The following SHANK2 variants were observed in gnomAD, a reference collection of about 807,000 sequenced individuals.
SHANK2 encodes the protein SH3 and multiple ankyrin repeat domains protein 2.
Under a neutral mutation model 133.7 loss-of-function variants are expected in SHANK2, and 43 were observed. The observed-to-expected ratio is 0.32, with a 90% confidence interval of 0.25 to 0.41. The LOEUF (loss-of-function observed/expected upper bound fraction) is 0.41. Among genes scored for constraint, SHANK2 ranks in the 10% least tolerant of loss-of-function variants. The pLI, the probability that SHANK2 is intolerant of heterozygous loss-of-function variation, is 1.00. For synonymous variants in SHANK2, 1,017 were observed against 952.8 expected (o/e 1.07, Z -1.24); for missense variants, 1,994 against 2,235.8 (o/e 0.89, Z 2.18).
chr11:71,216,776 A>G (rs1954423127), intron 2 of SHANK2, among the ~76,000 whole-genome samples: 1 of 152,230 alleles, frequency 6.6e-6, no homozygotes, highest in Non-Finnish European at 1.5e-5. Flanking sequence ...GACCTCCTGC[A>G]CTGCCAATCT....
chr11:71,085,324 C>T (rs1200985872), intron 8 of SHANK2, among the ~76,000 whole-genome samples: 2 of 150,552 alleles, frequency 1.3e-5, no homozygotes, highest in Admixed American at 6.7e-5. Context: ...GGCGTGGTGG[C>T]ACACGCCTCT....
intron 14 of SHANK2, among the ~76,000 whole-genome samples, chr11:70,785,930 C>G (rs1259214046): frequency 6.6e-6 from 1 of 152,168 alleles, no homozygotes; most frequent in Non-Finnish European, 1.5e-5. Context: ...AGGAGGGGTT[C>G]CACTATCAGC....
At chr11:71,170,607 C>T (rs1433096702) in intron 2 of SHANK2, among the ~76,000 whole-genome samples, 1 of 152,194 alleles carries the variant, frequency 6.6e-6, no homozygotes, top group African/African-American at 2.4e-5. Context: ...GGAAACACGT[C>T]ATGTGGGCTT....
intron 11 of SHANK2, among the ~76,000 whole-genome samples, chr11:70,835,909 C>T (rs577535606): frequency 3.9e-5 from 6 of 152,262 alleles, no homozygotes; most frequent in Admixed American, 1.3e-4. Context: ...GGCTCCCTCT[C>T]GGACCTCAGT....
intron 11 of SHANK2, among the ~76,000 whole-genome samples, chr11:70,856,391 T>C (rs1006753862): frequency 6.6e-6 from 1 of 151,664 alleles, no homozygotes; most frequent in East Asian, 1.9e-4. Flanking sequence ...GAGGAAGGAA[T>C]AGATGAATAA....
At chr11:70,622,418 C>T (rs2060841681) in intron 17 of SHANK2, among the ~76,000 whole-genome samples, 1 of 152,202 alleles carries the variant, frequency 6.6e-6, no homozygotes, top group African/African-American at 2.4e-5. Flanking sequence ...CTTCCTGACC[C>T]TCTGTGCGAG....
At chr11:70,783,248 C>T (rs1947550766) in intron 14 of SHANK2, among the ~76,000 whole-genome samples, 1 of 152,106 alleles carries the variant, frequency 6.6e-6, no homozygotes, top group African/African-American at 2.4e-5. Context: ...GAGGTCCAGG[C>T]AGGACAGGGT....
chr11:70,485,970 C>A lies in SHANK2; in HGVS notation c.4323G>T (p.Lys1441Asn), dbSNP rs1555153185. Residue 1441 changes from lysine (K) to asparagine (N), a missense_variant, in exon 25 of 26, where the codon AAG becomes AAT. Physicochemically the swap from Lys to Asn is moderately conservative, Grantham distance 94 (BLOSUM62 0). Coordinates refer to ENST00000601538, the MANE Select transcript of SHANK2 (RefSeq NM_012309.5). The surrounding 1 kb of genome is among the most constrained non-coding windows in gnomAD (Gnocchi z 5.8). ...AAGGGGACTGAGGGGTGTCGCTTTT[C>A]TTCTGCTTCACTAAGTCTGAGAGAG... ...VPALSDLVKQ[K>N]KSDTPQSPSL... is the part of the protein sequence containing the mutation. 1 of 1,609,350 alleles carries A rather than the reference C, an allele frequency of 6.2e-7. No homozygotes were observed. The highest frequency in any genetic ancestry group is 1.7e-5 in the Admixed American group (1 of 59,896).
At chr11:70,707,080 T>C (rs368936369) in intron 14 of SHANK2, among the ~76,000 whole-genome samples, 7 of 152,144 alleles carry the variant, frequency 4.6e-5, no homozygotes, top group East Asian at 1.9e-4. Flanking sequence ...AACTAAGAGA[T>C]AGAAGGTGGG....
intron 14 of SHANK2, chr11:70,705,099 G>A (rs985513448): frequency 6.6e-6 from 1 of 152,226 alleles, no homozygotes; most frequent in Admixed American, 6.5e-5. Context: ...GGCATAAGGT[G>A]TGAATGAGAA....
At chr11:70,900,795 C>T (rs75407769) in intron 10 of SHANK2, among the ~76,000 whole-genome samples, 1 of 152,134 alleles carries the variant, frequency 6.6e-6, no homozygotes, top group South Asian at 2.1e-4. Flanking sequence ...CTTGGCTTAT[C>T]ATGGGTTCCC....
chr11:70,946,890 C>T (rs1229529165), intron 10 of SHANK2, among the ~76,000 whole-genome samples: 3 of 146,000 alleles, frequency 2.1e-5, no homozygotes, highest in Admixed American at 1.4e-4. Context: ...GGCTCAACCT[C>T]CCTCTCCACT....
At chr11:71,229,540 G>T (rs1277915296) in intron 1 of SHANK2, among the ~76,000 whole-genome samples, 1 of 152,094 alleles carries the variant, frequency 6.6e-6, no homozygotes, top group East Asian at 1.9e-4. Flanking sequence ...GGAGGCCGAG[G>T]TGGGTGGATC....
At chr11:71,248,202 C>G (rs2135834035) in intron 1 of SHANK2, among the ~76,000 whole-genome samples, 1 of 152,386 alleles carries the variant, frequency 6.6e-6, no homozygotes, top group Admixed American at 6.5e-5. Flanking sequence ...CAAAGCCCAG[C>G]ATCAGTACTG....
chr11:70,954,420 G>T (rs1470123850), intron 10 of SHANK2, among the ~76,000 whole-genome samples: 1 of 152,212 alleles, frequency 6.6e-6, no homozygotes. Flanking sequence ...GAGTGCTCTG[G>T]CAGCCACTAC....
At chr11:70,489,153 G>A in intron 24 of SHANK2, 175 bp downstream of exon 24, 1 of 662,308 alleles carries the variant, frequency 1.5e-6, no homozygotes. Context: ...CTCCTTGTGG[G>A]AGGACATTTT....
Position 71,174,159 on chromosome 11 carries a change from G to A in SHANK2, c.-12-26821C>T, listed in dbSNP as rs138327175. Reference sequence around the variant, plus strand: ...TCTCATCCTGATATCTTTGCAGAAGGAGGAAACAATCATGGTAGTCATTGC... The same window carrying A: ...TCTCATCCTGATATCTTTGCAGAAGAAGGAAACAATCATGGTAGTCATTGC... On this transcript the variant is annotated intron_variant, in intron 2 of 25. Coordinates refer to ENST00000601538, the MANE Select transcript of SHANK2 (RefSeq NM_012309.5). Among the ~76,000 whole-genome samples the A allele has an allele frequency of 7.1e-3, 1,087 of 152,348 alleles. 9 individuals are homozygous for A. The highest frequency in any genetic ancestry group is 0.016 in the South Asian group (75 of 4,832).
chr11:70,633,112 G>A (rs1007932871), intron 17 of SHANK2, among the ~76,000 whole-genome samples: 6 of 151,180 alleles, frequency 4.0e-5, no homozygotes, highest in African/African-American at 7.3e-5. Context: ...ATTTAGACAC[G>A]TTGAATATAT....
chr11:71,137,965 A>T (rs145777946), intron 3 of SHANK2, among the ~76,000 whole-genome samples: 4,121 of 151,856 alleles, frequency 0.027, 116 homozygotes, highest in African/African-American at 0.094. Flanking sequence ...CCTCTCTCAC[A>T]ATGGGCGGGC....
Sources: allele counts gnomAD v4.1 joint callset (sites outside exome capture counted in the v4.1 genomes callset), GRCh38; gene constraint gnomAD v4.1.1; non-coding constraint Gnocchi (gnomAD v3.1); transcripts MANE v1.5; gene names NCBI Gene and HGNC (gene_info 2026-07-23, HGNC 2026-07-21).